The following NOMO1 variants were observed in gnomAD, a reference collection of about 807,000 sequenced individuals.
NOMO1 encodes nodal modulator 3.
A neutral mutation model predicts 133.8 loss-of-function variants in NOMO1; 40 were observed. The ratio of observed to expected loss-of-function variants is 0.30; its 90% CI spans 0.23 to 0.39. The LOEUF is 0.39. Ranked by LOEUF, NOMO1 falls within the 10% of genes least tolerant of loss-of-function variation. The pLI is 1.00. For missense variants in NOMO1, 462 were observed against 1,419.9 expected (o/e 0.33, Z 10.84); for synonymous variants, 236 against 570.5 (o/e 0.41, Z 8.36).
intron 26 of NOMO1, among the ~76,000 whole-genome samples, 184 bp from the exon 27 acceptor site, chr16:14,884,188 G>T (rs1964286487): frequency 6.6e-6 from 1 of 151,868 alleles, no homozygotes; most frequent in South Asian, 2.1e-4. Flanking sequence ...TGTGTCTATG[G>T]GCCAGGGATA....
intron 12 of NOMO1, 94 bp from the exon 13 acceptor site, chr16:14,864,491 A>G: frequency 1.3e-6 from 2 of 1,558,160 alleles, no homozygotes; most frequent in South Asian, 1.2e-5. Flanking sequence ...AAATCTCTTT[A>G]GCCTTGGTCC....
chr16:14,891,375 A>AT (rs1246719040), intron 29 of NOMO1, among the ~76,000 whole-genome samples: 1 of 150,936 alleles, frequency 6.6e-6, no homozygotes, highest in Admixed American at 6.6e-5. Flanking sequence ...TGTTGTACAT[A>AT]TTTTTCCCAA....
chr16:14,836,930 C>A (rs1330014118), intron 1 of NOMO1, among the ~76,000 whole-genome samples: 1 of 151,794 alleles, frequency 6.6e-6, no homozygotes, highest in African/African-American at 2.4e-5. Flanking sequence ...TGGTCTCGAT[C>A]TCCTGACCTC....
intron 28 of NOMO1, chr16:14,888,269 AT>A (rs1278874472): frequency 6.6e-6 from 1 of 151,380 alleles, no homozygotes; most frequent in African/African-American, 2.4e-5. Flanking sequence ...CTGTCACGGA[AT>A]TTTCTCCTCC....
At chr16:14,852,749 C>A (rs1203063506) in intron 7 of NOMO1, among the ~76,000 whole-genome samples, 167 bp downstream of exon 7, 1 of 151,508 alleles carries the variant, frequency 6.6e-6, no homozygotes, top group Non-Finnish European at 1.5e-5. Flanking sequence ...GCCTGTAATC[C>A]CAGCACTTTG....
At chr16:14,834,711 A>G (rs1366175971) in intron 1 of NOMO1, among the ~76,000 whole-genome samples, 1 of 144,950 alleles carries the variant, frequency 6.9e-6, no homozygotes, top group Non-Finnish European at 1.5e-5. Context: ...TTTTTAAATT[A>G]AGTTGTAAAG....
chr16:14,857,803 T>C, intron 11 of NOMO1, 148 bp downstream of exon 11: 1 of 717,862 alleles, frequency 1.4e-6, no homozygotes, highest in Non-Finnish European at 2.2e-6. Context: ...AGAGACAGAG[T>C]CTTGCCCTGT....
intron 4 of NOMO1, among the ~76,000 whole-genome samples, chr16:14,845,480 C>T (rs940636303): frequency 6.6e-5 from 10 of 152,064 alleles, no homozygotes; most frequent in Admixed American, 1.3e-4. Context: ...CTGCTTCTGA[C>T]ACTTACCTAG....
chr16:14,861,758 G>A (rs575410076), intron 11 of NOMO1, among the ~76,000 whole-genome samples: 1 of 151,224 alleles, frequency 6.6e-6, no homozygotes, highest in Admixed American at 6.6e-5. Context: ...AATGGGCAGA[G>A]CGCAACACAA....
chr16:14,853,407 A>G, intron 7 of NOMO1, 60 bp from the exon 8 acceptor site: 1 of 1,346,166 alleles, frequency 7.4e-7, no homozygotes, highest in Non-Finnish European at 1.0e-6. Context: ...TGGCTAATTG[A>G]TGGTATTCAG....
intron 29 of NOMO1, among the ~76,000 whole-genome samples, chr16:14,891,545 C>T (rs921436853): frequency 5.4e-4 from 82 of 151,566 alleles, no homozygotes; most frequent in Non-Finnish European, 1.1e-3. Flanking sequence ...TTCAGGCAGA[C>T]TTTTATAGTT....
In NOMO1 at chr16:14,863,091, GTCA is replaced by G. The variant is rs1963943913; in HGVS notation, c.1302_1304del (p.Ser435del). On this transcript the variant is annotated inframe_deletion, in exon 12 of 31. Coordinates refer to ENST00000287667, the MANE Select transcript of NOMO1 (RefSeq NM_014287.4). The stretch of plus-strand genomic sequence containing the variant: ...AGATGAATAAATACAAAGTTGTCCT[GTCA>G]TCTCAAGACAAGGACAAGTCTTTGG... 6.2e-7 allele frequency: 1 copy of G among 1,608,946 alleles called. No individual in the cohort carries two copies. The highest frequency in any genetic ancestry group is 1.1e-5 in the South Asian group (1 of 90,764).
chr16:14,868,305 T>C (rs1232663126), intron 15 of NOMO1, among the ~76,000 whole-genome samples: 2 of 121,384 alleles, frequency 1.6e-5, no homozygotes, highest in Non-Finnish European at 3.4e-5. Context: ...GCCATGGTCA[T>C]GACTCCCAAG....
chr16:14,874,150 T>C (rs575678821), intron 18 of NOMO1, among the ~76,000 whole-genome samples: 1 of 150,954 alleles, frequency 6.6e-6, no homozygotes, highest in South Asian at 2.1e-4. Flanking sequence ...CTGGCCTTCC[T>C]GTTTCCGCCA....
In NOMO1 at chr16:14,857,167, C is replaced by G. The variant is rs757226030; in HGVS notation, c.964-50C>G. 3 of 1,612,358 alleles carry G rather than the reference C, an allele frequency of 1.9e-6. 1 individual carries two copies. The highest frequency in any genetic ancestry group is 4.5e-5 in the East Asian group (2 of 44,830). The stretch of plus-strand genomic sequence containing the variant: ...CGCAGCAGAAGGAGTCTTTGTGGCT[C>G]TGGCACAGGAGCACCTTCGAGCACC... On this transcript the variant is annotated intron_variant, in intron 9 of 30. Coordinates refer to ENST00000287667, the MANE Select transcript of NOMO1 (RefSeq NM_014287.4).
chr16:14,876,812 A>G, intron 22 of NOMO1, 22 bp downstream of exon 22: 2 of 1,609,292 alleles, frequency 1.2e-6, no homozygotes, highest in Admixed American at 3.4e-5. Flanking sequence ...TGTATTTTCA[A>G]AAGGCAGTTA....
chr16:14,838,044 G>T (rs1447047132), intron 1 of NOMO1, among the ~76,000 whole-genome samples: 1 of 144,842 alleles, frequency 6.9e-6, no homozygotes, highest in Non-Finnish European at 1.5e-5. Flanking sequence ...ATGAGCCACC[G>T]TGCCCAGCCA....
chr16:14,837,434 T>C (rs1174657539), intron 1 of NOMO1, among the ~76,000 whole-genome samples: 10 of 152,146 alleles, frequency 6.6e-5, no homozygotes, highest in Non-Finnish European at 1.3e-4. Flanking sequence ...AACACGAGCT[T>C]GCCCAAGGCC....
intron 9 of NOMO1, among the ~76,000 whole-genome samples, chr16:14,856,938 T>C (rs79404857): frequency 1.3e-5 from 2 of 152,062 alleles, no homozygotes; most frequent in South Asian, 4.2e-4. Context: ...GGTGGGGGGC[T>C]TCTAGAAGCT....
Sources: gnomAD v4.1 joint callset for allele counts (sites outside exome capture counted in the v4.1 genomes callset) on GRCh38, gnomAD v4.1.1 for gene constraint, MANE v1.5 for transcripts, NCBI Gene and HGNC (gene_info 2026-07-23, HGNC 2026-07-21) for gene names.